Variants in EHMT1 observed in about 807,000 individuals in gnomAD.
The protein encoded by EHMT1 is euchromatic histone lysine methyltransferase 1.
A neutral mutation model predicts 147.2 loss-of-function variants in EHMT1; 15 were observed. That is an observed-to-expected ratio of 0.10 (90% confidence interval 0.07 to 0.16). The LOEUF is 0.16. Among genes scored for constraint, EHMT1 ranks in the 10% least tolerant of loss-of-function variants. The probability of loss-of-function intolerance (pLI) is 1.00; values close to 1 mark genes in which losing one functional copy is unlikely to be tolerated. For missense variants in EHMT1, 1,587 were observed against 1,772.4 expected, an observed-to-expected ratio of 0.90 and a Z score of 1.88; for synonymous variants, 795 against 709.6, an observed-to-expected ratio of 1.12 and a Z score of -1.91.
At chr9:137,671,957 C>T (rs982658559) in intron 1 of EHMT1, among the ~76,000 whole-genome samples, 1 of 152,258 alleles carries the variant, frequency 6.6e-6, no homozygotes, top group Non-Finnish European at 1.5e-5. Context: ...TGCTGCGCCC[C>T]TTCTCCCTGC....
intron 18 of EHMT1, among the ~76,000 whole-genome samples, chr9:137,808,607 G>C (rs1157961639): frequency 6.8e-6 from 1 of 146,344 alleles, no homozygotes; most frequent in Non-Finnish European, 1.5e-5. Flanking sequence ...CTGGGCGTTT[G>C]AACAGTCCCA....
intron 2 of EHMT1, among the ~76,000 whole-genome samples, chr9:137,716,132 TTGGTGTCATGGTGGGGGAGGAAGTTGTGG>T (rs1945220722): frequency 4.7e-3 from 10 of 2,144 alleles, no homozygotes; most frequent in Non-Finnish European, 7.3e-3. Context: ...GGAAGTTGTG[TTGGTGTCATGGTGGGGGAGGAAGTTGTGG>T]TGGTGTCATG....
intron 1 of EHMT1, among the ~76,000 whole-genome samples, chr9:137,691,936 T>C (rs1564594582): frequency 6.6e-6 from 1 of 152,292 alleles, no homozygotes; most frequent in East Asian, 1.9e-4. Context: ...TCCTTCCTCT[T>C]TTAATAGAGG....
In EHMT1 at chr9:137,835,802, G is replaced by A. The variant is rs1279723462; in HGVS notation, c.*849G>A. 1 of 152,580 alleles carries A rather than the reference G, an allele frequency of 6.6e-6. No homozygotes were observed. Among genetic ancestry groups the A allele is most frequent in the African/African-American group, 2.4e-5 (1 of 41,456 alleles). 9.5% of individuals were successfully genotyped at this position (152,580 alleles called of 1,614,324 possible). On this transcript the variant is annotated 3_prime_UTR_variant, in exon 27 of 27. Coordinates refer to ENST00000460843, the MANE Select transcript of EHMT1 (RefSeq NM_024757.5). ...TGAAATAAACTATCAACTGTATAAA[G>A]AGAACAAAGTGATTTTAGAATAAAA... is the stretch of plus-strand genomic sequence containing the variant.
chr9:137,668,270 C>T (rs551500221), intron 1 of EHMT1, among the ~76,000 whole-genome samples: 73 of 152,056 alleles, frequency 4.8e-4, no homozygotes, highest in Non-Finnish European at 8.1e-4. Context: ...GCTTCCTTCT[C>T]CTCCTGTTTT....
chr9:137,694,095 G>GGT (rs1943177411), intron 1 of EHMT1, among the ~76,000 whole-genome samples: 1 of 81,532 alleles, frequency 1.2e-5, no homozygotes, highest in Non-Finnish European at 2.5e-5. Flanking sequence ...CCCACACAGT[G>GGT]GCTCAGGACG....
chr9:137,708,145 T>A (rs1944413894), intron 1 of EHMT1, among the ~76,000 whole-genome samples: 1 of 152,228 alleles, frequency 6.6e-6, no homozygotes, highest in Non-Finnish European at 1.5e-5. Flanking sequence ...TTTTTCTGAA[T>A]GAAAAAAACT....
At chr9:137,661,549 A>G (rs1284467975) in intron 1 of EHMT1, among the ~76,000 whole-genome samples, 1 of 147,830 alleles carries the variant, frequency 6.8e-6, no homozygotes, top group Non-Finnish European at 1.5e-5. Flanking sequence ...GCAGTGGCGC[A>G]ATCTCGGCTC....
At position 137,828,589 on chromosome 9, in the gene EHMT1, G is replaced by A. The variant is rs544712784; in HGVS notation, c.3541-5760G>A. ...GTGTGCTCCTGCGGGGGTGCGGGGT[G>A]GGGGAGGTACCACGTCTCCCGGGCA... On this transcript the variant is annotated intron_variant, in intron 25 of 26. Coordinates refer to ENST00000460843, the MANE Select transcript of EHMT1 (RefSeq NM_024757.5). This position sits in a 1 kb window ranked among gnomAD's most constrained non-coding sequence, Gnocchi z 5.3. Among the ~76,000 whole-genome samples the A allele has an allele frequency of 6.6e-6, 1 of 152,098 alleles. No individual in the cohort carries two copies. Among genetic ancestry groups the A allele is most frequent in the Non-Finnish European group, 1.5e-5 (1 of 67,974 alleles).
At chr9:137,630,461 C>T (rs570292261) in intron 1 of EHMT1, among the ~76,000 whole-genome samples, 1 of 152,012 alleles carries the variant, frequency 6.6e-6, no homozygotes, top group African/African-American at 2.4e-5. Context: ...TAGTCTAGGT[C>T]TTAAAGGATG....
intron 9 of EHMT1, among the ~76,000 whole-genome samples, chr9:137,758,647 A>G (rs1450904154): frequency 6.6e-6 from 1 of 152,176 alleles, no homozygotes; most frequent in African/African-American, 2.4e-5. Flanking sequence ...ATGTGGAGGA[A>G]ATGCAAATCT....
At chr9:137,687,079 G>C (rs1942520426) in intron 1 of EHMT1, among the ~76,000 whole-genome samples, 1 of 152,104 alleles carries the variant, frequency 6.6e-6, no homozygotes, top group Admixed American at 6.6e-5. Flanking sequence ...CAACATAGTT[G>C]ATAGGTCTTC....
At chr9:137,718,871 T>G (rs1050721845) in intron 3 of EHMT1, among the ~76,000 whole-genome samples, 1 of 151,896 alleles carries the variant, frequency 6.6e-6, no homozygotes, top group African/African-American at 2.4e-5. Context: ...TTCTCATGCT[T>G]CAGCCTCCCA....
At chr9:137,657,964 A>C (rs987190652) in intron 1 of EHMT1, among the ~76,000 whole-genome samples, 1 of 152,034 alleles carries the variant, frequency 6.6e-6, no homozygotes, top group African/African-American at 2.4e-5. Context: ...AGATGAGAGC[A>C]TGTGAAGTTT....
intron 10 of EHMT1, chr9:137,763,613 C>T (rs143043943): frequency 3.9e-5 from 6 of 154,810 alleles, no homozygotes; most frequent in African/African-American, 1.2e-4. Context: ...GCCAGCGGAT[C>T]CATCTTCAGC....
chr9:137,726,720 A>G (rs2135754128), intron 3 of EHMT1, among the ~76,000 whole-genome samples: 1 of 152,244 alleles, frequency 6.6e-6, no homozygotes, highest in South Asian at 2.1e-4. Flanking sequence ...TTCACTTCCT[A>G]CCAGCAGTGC....
At chr9:137,696,595 G>A (rs1943412265) in intron 1 of EHMT1, among the ~76,000 whole-genome samples, 1 of 152,176 alleles carries the variant, frequency 6.6e-6, no homozygotes, top group Non-Finnish European at 1.5e-5. Context: ...GTATTTTCTT[G>A]AGGGGGAGAA....
At chr9:137,738,672 A>G (rs1480123369) in intron 4 of EHMT1, 1 of 152,184 alleles carries the variant, frequency 6.6e-6, no homozygotes, top group Non-Finnish European at 1.5e-5. Context: ...ACGGATCAGC[A>G]AAGTGTCGTG....
At chr9:137,788,456 C>T (rs181252069) in intron 15 of EHMT1, 11 of 182,574 alleles carry the variant, frequency 6.0e-5, no homozygotes, top group South Asian at 3.2e-4. Flanking sequence ...TGCAGGCGTA[C>T]GGAGGTTGCA....
Sources: gnomAD v4.1 joint callset for allele counts (sites outside exome capture counted in the v4.1 genomes callset) on GRCh38, gnomAD v4.1.1 for gene constraint, Gnocchi (gnomAD v3.1) non-coding constraint, MANE v1.5 for transcripts, NCBI Gene and HGNC (gene_info 2026-07-23, HGNC 2026-07-21) for gene names.